The following PBX3 variants were observed in gnomAD, a reference collection of about 807,000 sequenced individuals.
PBX3 encodes PBX homeobox 3, also known as pre-B-cell leukemia transcription factor 3.
PBX3 carries 14 observed loss-of-function variants against 48.5 expected under a neutral mutation model. The ratio of observed to expected loss-of-function variants is 0.29; its 90% CI spans 0.19 to 0.45. The LOEUF (loss-of-function observed/expected upper bound fraction) is 0.45. Ranked by LOEUF, PBX3 falls within the 20% of genes least tolerant of loss-of-function variation. PBX3 has a pLI of 1.00. For synonymous variants in PBX3, 210 were observed against 200.3 expected (o/e 1.05, Z -0.41); for missense variants, 386 against 546.7 (o/e 0.71, Z 2.93).
At chr9:125,768,778 T>C (rs938119559) in intron 2 of PBX3, among the ~76,000 whole-genome samples, 2 of 152,186 alleles carry the variant, frequency 1.3e-5, no homozygotes, top group Admixed American at 1.3e-4. Context: ...CAGGACAGTT[T>C]TTTTAAGTGC....
At chr9:125,919,936 T>G (rs528545220) in intron 3 of PBX3, among the ~76,000 whole-genome samples, 3 of 152,320 alleles carry the variant, frequency 2.0e-5, no homozygotes, top group African/African-American at 7.2e-5. Context: ...ATCCTGTCTT[T>G]TTTCCCTCCA....
intron 2 of PBX3, among the ~76,000 whole-genome samples, chr9:125,780,777 A>AC (rs1416288583): frequency 8.4e-5 from 7 of 83,424 alleles, no homozygotes; most frequent in Non-Finnish European, 1.4e-4. Context: ...CGGGGGGCTG[A>AC]CCCCCCCACC....
intron 3 of PBX3, among the ~76,000 whole-genome samples, 175 bp from the exon 4 acceptor site, chr9:125,929,480 T>C (rs1360169291): frequency 6.6e-6 from 1 of 152,216 alleles, no homozygotes; most frequent in Non-Finnish European, 1.5e-5. Context: ...GTTTCAGAAT[T>C]CTTGCTGCCT....
At chr9:125,857,000 T>C (rs1449488854) in intron 2 of PBX3, among the ~76,000 whole-genome samples, 1 of 152,200 alleles carries the variant, frequency 6.6e-6, no homozygotes, top group Admixed American at 6.5e-5. Context: ...AAAGTTCATT[T>C]AGCTATAAAT....
chr9:125,936,168 TATTTA>T lies in PBX3; in HGVS notation c.843+562_843+566del, dbSNP rs570079317. ...ATTTTGGGGTTTTTAAAAAAATGTT[TATTTA>T]TAATAATTTCTGACCCTGAAGTTAG... On this transcript the variant is annotated intron_variant, in intron 5 of 8. Transcript: ENST00000373489. Among the ~76,000 whole-genome samples the T allele has an allele frequency of 6.6e-5, 10 of 152,356 alleles. 1 individual carries two copies. The South Asian group carries it at 2.1e-3, about 32-fold the overall frequency.
chr9:125,960,935 TACTGAGG>T, intron 6 of PBX3, 86 bp downstream of exon 6: 1 of 629,482 alleles, frequency 1.6e-6, no homozygotes, highest in Non-Finnish European at 2.5e-6. Context: ...ACAAGAGCCA[TACTGAGG>T]ACAGAGTGGA....
At chr9:125,839,409 A>G (rs1343436840) in intron 2 of PBX3, among the ~76,000 whole-genome samples, 1 of 152,208 alleles carries the variant, frequency 6.6e-6, no homozygotes, top group Non-Finnish European at 1.5e-5. Context: ...GATTGAGTAA[A>G]TGAATGTCTT....
chr9:125,894,822 A>G (rs1277018965), intron 2 of PBX3, among the ~76,000 whole-genome samples: 1 of 152,124 alleles, frequency 6.6e-6, no homozygotes, highest in Non-Finnish European at 1.5e-5. Flanking sequence ...GATATGAGAC[A>G]GCTATAGCTT....
chr9:125,771,402 A>G (rs73667057), intron 2 of PBX3, among the ~76,000 whole-genome samples: 5,491 of 152,326 alleles, frequency 0.036, 346 homozygotes, highest in African/African-American at 0.12. Flanking sequence ...GCTAAAATGC[A>G]TAGCAGACAT....
intron 2 of PBX3, among the ~76,000 whole-genome samples, chr9:125,862,956 G>T (rs1004492411): frequency 6.6e-6 from 1 of 152,090 alleles, no homozygotes; most frequent in South Asian, 2.1e-4. Flanking sequence ...GTGCAGTGGC[G>T]TGATCTTGGC....
rs557134658 is a variant in PBX3, at chr9:125,796,199, G to A, written c.274+47576G>A. ...TCACTGCCCAGGGTTAAAGTCCAGC[G>A]CCACAGAAAGTGGATCTTCACCTTT... On this transcript the variant is annotated intron_variant, in intron 2 of 8. Coordinates refer to ENST00000373489, the MANE Select transcript of PBX3 (RefSeq NM_006195.6). Among the ~76,000 whole-genome samples the A allele has an allele frequency of 6.6e-5, 10 of 152,292 alleles. No homozygotes were observed. The East Asian group carries it at 9.6e-4, about 15-fold the overall frequency.
chr9:125,961,616 C>T (rs1331944113), intron 6 of PBX3, among the ~76,000 whole-genome samples: 1 of 152,092 alleles, frequency 6.6e-6, no homozygotes, highest in East Asian at 1.9e-4. Context: ...TGTCTTGTCT[C>T]CTCACCCCCC....
chr9:125,880,036 A>G (rs1228419663), intron 2 of PBX3, among the ~76,000 whole-genome samples: 1 of 152,146 alleles, frequency 6.6e-6, no homozygotes, highest in East Asian at 1.9e-4. Flanking sequence ...TGTTGTTGAC[A>G]TTGTTGTCAT....
intron 2 of PBX3, among the ~76,000 whole-genome samples, chr9:125,864,042 T>G (rs916309988): frequency 6.6e-6 from 1 of 152,100 alleles, no homozygotes; most frequent in Non-Finnish European, 1.5e-5. Flanking sequence ...TGAAGGATAA[T>G]GAGGAAGGAG....
intron 2 of PBX3, among the ~76,000 whole-genome samples, chr9:125,864,635 TTGCATGCACAGATCACA>T (rs1354859068): frequency 3.3e-5 from 5 of 152,306 alleles, no homozygotes; most frequent in African/African-American, 1.2e-4. Context: ...CTTGGATCCC[TTGCATGCACAGATCACA>T]ATAGGGTTCA....
chr9:125,762,397 A>T (rs188637491), intron 2 of PBX3, among the ~76,000 whole-genome samples: 130 of 152,090 alleles, frequency 8.5e-4, no homozygotes, highest in African/African-American at 3.0e-3. Context: ...CCTTTGAGTT[A>T]TTTTTTTCCC....
chr9:125,928,786 T>C (rs1841647212), intron 3 of PBX3, among the ~76,000 whole-genome samples: 1 of 152,124 alleles, frequency 6.6e-6, no homozygotes, highest in South Asian at 2.1e-4. Flanking sequence ...AACTAAAAAG[T>C]TTGAGACCCA....
At chr9:125,799,400 G>A (rs1205597124) in intron 2 of PBX3, among the ~76,000 whole-genome samples, 1 of 152,032 alleles carries the variant, frequency 6.6e-6, no homozygotes, top group Admixed American at 6.5e-5. Flanking sequence ...CAGCTACTCC[G>A]GAGGCTGAGG....
chr9:125,956,652 G>A (rs1197934641), intron 5 of PBX3, among the ~76,000 whole-genome samples: 1 of 152,216 alleles, frequency 6.6e-6, no homozygotes, highest in Non-Finnish European at 1.5e-5. Flanking sequence ...ATCAGTAGAA[G>A]AGGGAGAGTA....
Sources: gnomAD v4.1 joint callset for allele counts (sites outside exome capture counted in the v4.1 genomes callset) on GRCh38, gnomAD v4.1.1 for gene constraint, MANE v1.5 for transcripts, NCBI Gene and HGNC (gene_info 2026-07-23, HGNC 2026-07-21) for gene names.